The following ULK4 variants were observed in gnomAD, a reference collection of about 807,000 sequenced individuals.
The protein encoded by ULK4 is unc-51 like kinase 4, also known as inactive serine/threonine-protein kinase ULK4.
Under a neutral mutation model 160.6 loss-of-function variants are expected in ULK4, and 133 were observed. That is an observed-to-expected ratio of 0.83 (90% confidence interval 0.72 to 0.96). The LOEUF (loss-of-function observed/expected upper bound fraction) is 0.96. Ranked by LOEUF, ULK4 falls within the 40% of genes least tolerant of loss-of-function variation. The pLI, the probability that ULK4 is intolerant of heterozygous loss-of-function variation, is 0.00. For synonymous variants in ULK4, 534 were observed against 539.8 expected (o/e 0.99, Z 0.15); for missense variants, 1,580 against 1,499.5 (o/e 1.05, Z -0.89).
At chr3:41,497,429 T>C (rs2085034527) in intron 32 of ULK4, among the ~76,000 whole-genome samples, 1 of 152,022 alleles carries the variant, frequency 6.6e-6, no homozygotes, top group African/African-American at 2.4e-5. Flanking sequence ...ATATACATAA[T>C]AATTGGGGTT....
At chr3:41,340,516 G>C (rs1443268562) in intron 35 of ULK4, among the ~76,000 whole-genome samples, 1 of 152,154 alleles carries the variant, frequency 6.6e-6, no homozygotes, top group African/African-American at 2.4e-5. Context: ...GGGCCAAAAA[G>C]GAATTAACTA....
intron 18 of ULK4, among the ~76,000 whole-genome samples, 189 bp downstream of exon 18, chr3:41,835,675 G>A (rs550351798): frequency 6.6e-6 from 1 of 152,178 alleles, no homozygotes; most frequent in Non-Finnish European, 1.5e-5. Context: ...GAAGGAGGGA[G>A]ACAGGGTAAG....
chr3:41,861,672 G>A (rs894768827), intron 17 of ULK4, among the ~76,000 whole-genome samples: 2 of 151,910 alleles, frequency 1.3e-5, no homozygotes, highest in African/African-American at 4.8e-5. Context: ...TCTTGTACTT[G>A]GACACTGACA....
chr3:41,882,380 T>C (rs1716994), intron 17 of ULK4: 631,639 of 676,182 alleles, frequency 0.93, 298,278 homozygotes, highest in Non-Finnish European at 0.98. Context: ...TACAGGGTGG[T>C]CGTAGTATTC....
chr3:41,768,392 G>C (rs1470898148), intron 21 of ULK4, among the ~76,000 whole-genome samples: 1 of 152,104 alleles, frequency 6.6e-6, no homozygotes. Context: ...GAAGTATATG[G>C]GGAAAAGAAA....
At chr3:41,695,272 T>C (rs2036452699) in intron 27 of ULK4, among the ~76,000 whole-genome samples, 1 of 152,200 alleles carries the variant, frequency 6.6e-6, no homozygotes. Context: ...ATTCGGACCA[T>C]CACAATGCAT....
chr3:41,559,544 CCTGA>C (rs2087475789), intron 32 of ULK4, among the ~76,000 whole-genome samples: 2 of 150,920 alleles, frequency 1.3e-5, no homozygotes, highest in Non-Finnish European at 3.0e-5. Context: ...CCTCTTGTTT[CCTGA>C]CTTTTTAATG....
rs550819513 is a variant in ULK4, at chr3:41,431,113, G to GC, written c.3492+24383dup. Among the ~76,000 whole-genome samples, 6 of 152,166 alleles carry GC rather than the reference G, an allele frequency of 3.9e-5. No individual in the cohort carries two copies. In the South Asian group the frequency reaches 1.2e-3, roughly 31 times the overall value. On this transcript the variant is annotated intron_variant, in intron 34 of 36. Coordinates refer to ENST00000301831, the MANE Select transcript of ULK4 (RefSeq NM_017886.4). ...GCTGGTAATCCTAGCACTTTGGGTG[G>GC]CGGAGGCAGGCTGATCACGAAGTCA...
chr3:41,455,412 C>G, intron 34 of ULK4, 85 bp downstream of exon 34: 1 of 1,261,472 alleles, frequency 7.9e-7, no homozygotes, highest in Non-Finnish European at 1.1e-6. Flanking sequence ...ATAAAAATAA[C>G]ATAGAAACTC....
intron 29 of ULK4, among the ~76,000 whole-genome samples, chr3:41,676,476 A>G (rs968365042): frequency 3.9e-5 from 6 of 152,308 alleles, no homozygotes; most frequent in African/African-American, 1.4e-4. Flanking sequence ...GAAAGAACAC[A>G]TGCTCCCTCC....
intron 35 of ULK4, among the ~76,000 whole-genome samples, chr3:41,263,236 C>T (rs2078977318): frequency 1.3e-5 from 2 of 152,152 alleles, no homozygotes; most frequent in African/African-American, 2.4e-5. Flanking sequence ...CAAGCAAATA[C>T]TAACCAGTCC....
At chr3:41,865,681 G>A (rs1460193219) in intron 17 of ULK4, among the ~76,000 whole-genome samples, 1 of 152,052 alleles carries the variant, frequency 6.6e-6, no homozygotes, top group East Asian at 1.9e-4. Flanking sequence ...CAATTACTTG[G>A]CTCAAAGAAG....
rs566534650 is a variant in ULK4, at chr3:41,680,191, A to G, written c.2978+1317T>C. Among the ~76,000 whole-genome samples, 28 of 152,384 alleles carry G rather than the reference A, an allele frequency of 1.8e-4. No homozygotes were observed. In the East Asian group the frequency reaches 5.4e-3, roughly 29 times the overall value. ...TTGAATTCACATAAGTATAGATCAC[A>G]GACATACACTCATATATAACAAATG... On this transcript the variant is annotated intron_variant, in intron 29 of 36. Transcript: ENST00000301831.
rs1699017253 is a variant in ULK4 at position 41,917,738 on chromosome 3, T to C, written c.727+719A>G. On this transcript the variant is annotated intron_variant, in intron 7 of 36. Coordinates refer to ENST00000301831, the MANE Select transcript of ULK4 (RefSeq NM_017886.4). The stretch of plus-strand genomic sequence containing the variant: ...GGCTCACGCCTGTAATCCCAGCACT[T>C]TGGGAGGCTGAGGTGGGTGGATCAT... 2.0e-5 allele frequency among the ~76,000 whole-genome samples: 3 copies of C among 152,182 alleles called. 1 individual carries two copies. In the South Asian group the frequency reaches 6.2e-4, roughly 32 times the overall value.
intron 27 of ULK4, among the ~76,000 whole-genome samples, chr3:41,698,832 AC>A (rs2036580496): frequency 6.6e-6 from 1 of 152,218 alleles, no homozygotes; most frequent in South Asian, 2.1e-4. Flanking sequence ...CCCAAAGGTA[AC>A]CACTATCATG....
At chr3:41,757,781 G>A (rs112767300) in intron 21 of ULK4, among the ~76,000 whole-genome samples, 5 of 151,552 alleles carry the variant, frequency 3.3e-5, no homozygotes, top group East Asian at 2.0e-4. Context: ...CTACAGGTGC[G>A]TGCCACCGGC....
chr3:41,848,739 G>A (rs73081321), intron 17 of ULK4, among the ~76,000 whole-genome samples: 18,585 of 152,210 alleles, frequency 0.12, 1,334 homozygotes, highest in Middle Eastern at 0.27. Context: ...GGAGCTGCCA[G>A]GTCCAGCTGC....
intron 5 of ULK4, among the ~76,000 whole-genome samples, chr3:41,931,517 T>C (rs1232468575): frequency 6.8e-6 from 1 of 147,150 alleles, no homozygotes; most frequent in Non-Finnish European, 1.5e-5. Flanking sequence ...CTGCAGAATA[T>C]CATTCACTCA....
intron 29 of ULK4, among the ~76,000 whole-genome samples, chr3:41,671,557 G>A (rs2035537885): frequency 6.6e-6 from 1 of 152,016 alleles, no homozygotes; most frequent in Admixed American, 6.6e-5. Flanking sequence ...GAATGAAACT[G>A]GACCTGTCTC....
Sources: allele counts gnomAD v4.1 joint callset (sites outside exome capture counted in the v4.1 genomes callset), GRCh38; gene constraint gnomAD v4.1.1; transcripts MANE v1.5; gene names NCBI Gene and HGNC (gene_info 2026-07-23, HGNC 2026-07-21).